LAMA1: variants seen among roughly 807,000 people sequenced by gnomAD.
LAMA1 encodes the protein laminin subunit alpha-1.
In LAMA1, 219 loss-of-function variants were observed where a neutral mutation model predicts 348.7. That is an observed-to-expected ratio of 0.63 (90% confidence interval 0.56 to 0.70). The LOEUF is 0.70. LAMA1 is among the 30% of genes least tolerant of loss of function. The probability of loss-of-function intolerance (pLI) is 0.00; values close to 1 mark genes in which losing one functional copy is unlikely to be tolerated. For missense variants in LAMA1, 3,744 were observed against 3,888.0 expected (o/e 0.96, Z 0.99); for synonymous variants, 1,487 against 1,491.0 (o/e 1.00, Z 0.06).
At chr18:6,943,482 T>G in intron 61 of LAMA1, 80 bp from the exon 62 acceptor site, 1 of 1,161,344 alleles carries the variant, frequency 8.6e-7, no homozygotes, top group Non-Finnish European at 1.3e-6. Context: ...GTAGATAAAA[T>G]TGCAGCATTA....
intron 33 of LAMA1, 78 bp downstream of exon 33, chr18:6,997,663 GA>G: frequency 6.7e-7 from 1 of 1,486,284 alleles, no homozygotes; most frequent in Middle Eastern, 1.8e-4. Context: ...AGGACACATG[GA>G]ATGACTCCCA....
intron 5 of LAMA1, 103 bp downstream of exon 5, chr18:7,048,975 G>T: frequency 8.8e-7 from 1 of 1,131,448 alleles, no homozygotes; most frequent in Non-Finnish European, 1.3e-6. Context: ...AGGCCAACAT[G>T]TCGGGGAAAG....
chr18:6,992,953 A>G (rs1272733304), intron 35 of LAMA1, among the ~76,000 whole-genome samples: 1 of 151,932 alleles, frequency 6.6e-6, no homozygotes, highest in South Asian at 2.1e-4. Context: ...GCACCAATAA[A>G]CTCCCTAAAG....
At chr18:7,070,191 T>C (rs2058140114) in intron 3 of LAMA1, among the ~76,000 whole-genome samples, 1 of 152,206 alleles carries the variant, frequency 6.6e-6, no homozygotes, top group African/African-American at 2.4e-5. Context: ...CTATTTATTT[T>C]ACCAAGCAAA....
Position 6,982,505 on chromosome 18 carries a change from T to C in LAMA1, c.5882A>G (p.Lys1961Arg), listed in dbSNP as rs933038427. The C allele has an allele frequency of 5.6e-5, 90 of 1,614,050 alleles. No homozygotes were observed. Among genetic ancestry groups the C allele is most frequent in the Non-Finnish European group, 6.9e-5 (82 of 1,180,004 alleles). The change falls in exon 41 of 63, where the codon AAG (lysine) becomes AGG (arginine). Residue 1961 changes from lysine to arginine, a missense_variant. Lys to Arg is a conservative substitution (Grantham distance 26). Coordinates refer to ENST00000389658, the MANE Select transcript of LAMA1 (RefSeq NM_005559.4). Reference protein sequence around the residue: ...FLKEGNNLSRKLPGIALELSE... With the variant: ...FLKEGNNLSRRLPGIALELSE... ...CCGAGCCACATACTGACCTGGAAGC[T>C]TCCTGCTGAGGTTGTTGCCTTCTTT...
rs536118042 is a variant in LAMA1 at position 6,953,574 on chromosome 18, C to A, written c.8207+1779G>T. 1.1e-3 allele frequency among the ~76,000 whole-genome samples: 175 copies of A among 152,316 alleles called. 3 individuals are homozygous for A. The highest frequency in any genetic ancestry group is 4.0e-3 in the African/African-American group (165 of 41,566). ...TACTCTACAGGCACAGACTCTGGAG[C>A]CAGAAGGCCTGGGTTCGAATCCCGG... is the stretch of plus-strand genomic sequence containing the variant. On this transcript the variant is annotated intron_variant, in intron 57 of 62. Transcript: ENST00000389658.
At chr18:6,947,078 G>A in intron 61 of LAMA1, 85 bp downstream of exon 61, 1 of 1,541,826 alleles carries the variant, frequency 6.5e-7, no homozygotes, top group South Asian at 1.1e-5. Context: ...AAAATAGATA[G>A]TTGTGAATTT....
intron 1 of LAMA1, among the ~76,000 whole-genome samples, chr18:7,111,781 GATAGTTTAT>G (rs1568073856): frequency 6.6e-6 from 1 of 152,216 alleles, no homozygotes; most frequent in African/African-American, 2.4e-5. Flanking sequence ...CTTAGGAGAT[GATAGTTTAT>G]CTAGTTCATC....
chr18:7,101,021 G>A (rs928641297), intron 1 of LAMA1, among the ~76,000 whole-genome samples: 1 of 151,660 alleles, frequency 6.6e-6, no homozygotes, highest in Non-Finnish European at 1.5e-5. Flanking sequence ...GCTGGACTCT[G>A]TCTCAAAAAA....
intron 1 of LAMA1, among the ~76,000 whole-genome samples, chr18:7,115,896 T>G (rs1250487555): frequency 6.6e-6 from 1 of 151,306 alleles, no homozygotes; most frequent in Non-Finnish European, 1.5e-5. Flanking sequence ...GCAGAATTGT[T>G]TGAACCCGGG....
intron 3 of LAMA1, among the ~76,000 whole-genome samples, chr18:7,065,844 G>T (rs1350667884): frequency 1.3e-5 from 2 of 152,214 alleles, no homozygotes; most frequent in East Asian, 3.8e-4. Flanking sequence ...TTATTTGCAG[G>T]TTTAAATTTG....
At chr18:6,968,917 G>A (rs973815913) in intron 48 of LAMA1, among the ~76,000 whole-genome samples, 4 of 152,114 alleles carry the variant, frequency 2.6e-5, no homozygotes, top group African/African-American at 7.2e-5. Context: ...AACAGAAAGG[G>A]ACAAGGAATT....
chr18:7,040,388 T>C (rs1354936994), intron 9 of LAMA1, 152 bp from the exon 10 acceptor site: 4 of 758,008 alleles, frequency 5.3e-6, no homozygotes, highest in African/African-American at 5.1e-5. Flanking sequence ...TCAGCCATTA[T>C]TGTTCGAACA....
intron 3 of LAMA1, among the ~76,000 whole-genome samples, chr18:7,053,907 C>A (rs2058071674): frequency 6.6e-6 from 1 of 151,972 alleles, no homozygotes; most frequent in Non-Finnish European, 1.5e-5. Context: ...CCTCGGCCTC[C>A]AGAGTGGCAT....
At chr18:7,061,107 G>A (rs375479564) in intron 3 of LAMA1, among the ~76,000 whole-genome samples, 8 of 152,296 alleles carry the variant, frequency 5.3e-5, no homozygotes, top group African/African-American at 1.7e-4. Context: ...GCAGTGAGCC[G>A]TGATGGTGCC....
intron 60 of LAMA1, among the ~76,000 whole-genome samples, chr18:6,947,845 C>T (rs1018900096): frequency 2.0e-5 from 3 of 152,206 alleles, no homozygotes; most frequent in Non-Finnish European, 2.9e-5. Flanking sequence ...TGTTACCATG[C>T]CCAGGGCTGA....
chr18:7,099,481 T>A (rs1323957335), intron 1 of LAMA1, among the ~76,000 whole-genome samples: 17 of 130,508 alleles, frequency 1.3e-4, no homozygotes, highest in South Asian at 2.6e-4. Context: ...TAAATAAATT[T>A]AAAAAAAAAC....
intron 3 of LAMA1, among the ~76,000 whole-genome samples, chr18:7,068,874 C>A (rs1330164871): frequency 6.6e-6 from 1 of 151,602 alleles, no homozygotes; most frequent in East Asian, 1.9e-4. Context: ...TTAAAACTTA[C>A]CCCTTTTTTT....
At chr18:7,096,063 G>A (rs1423347067) in intron 1 of LAMA1, among the ~76,000 whole-genome samples, 1 of 152,136 alleles carries the variant, frequency 6.6e-6, no homozygotes, top group Non-Finnish European at 1.5e-5. Context: ...GCGAGACTCC[G>A]TCTCAAAAAA....
Sources: allele counts gnomAD v4.1 joint callset (sites outside exome capture counted in the v4.1 genomes callset), GRCh38; gene constraint gnomAD v4.1.1; transcripts MANE v1.5; gene names NCBI Gene and HGNC (gene_info 2026-07-23, HGNC 2026-07-21).